The following AGL variants were observed in gnomAD, a reference collection of about 807,000 sequenced individuals.
AGL encodes the protein glycogen debranching enzyme.
In AGL, 128 loss-of-function variants were observed where a neutral mutation model predicts 199.3. The observed-to-expected ratio is 0.64, with a 90% CI of 0.56 to 0.74. The LOEUF is 0.74. AGL is among the 30% of genes least tolerant of loss of function. The pLI is 0.00. For synonymous variants in AGL, 584 were observed against 594.7 expected, an observed-to-expected ratio of 0.98 and a Z score of 0.26; for missense variants, 1,809 against 1,820.8, an observed-to-expected ratio of 0.99 and a Z score of 0.12.
chr1:99,857,080 A>T (rs1215641221), intron 2 of AGL, among the ~76,000 whole-genome samples: 5 of 139,750 alleles, frequency 3.6e-5, no homozygotes, highest in Admixed American at 3.5e-4. Flanking sequence ...TGACCCCCCC[A>T]CCTCCCTCCC....
In AGL at chr1:99,900,661, A is replaced by G. The variant is rs1653753922; in HGVS notation, c.3388A>G (p.Thr1130Ala). ...GAATATTATTTTAGCATTTGCGGGT[A>G]CCCTGAGGCATGGTCTCATTCCTAA... is the stretch of plus-strand genomic sequence containing the variant. ...ARNIILAFAG[T>A]LRHGLIPNLL... The change falls in exon 26 of 34, where the codon ACC becomes GCC. Residue 1130 changes from threonine to alanine, a missense_variant. Transcript: ENST00000361915. The G allele has an allele frequency of 6.2e-7, 1 of 1,614,046 alleles. No individual in the cohort carries two copies. The highest frequency in any genetic ancestry group is 2.2e-5 in the East Asian group (1 of 44,870).
rs1215043175 is a variant in AGL, at chr1:99,851,063, TC to T, written c.22del (p.Arg8GlufsTer5). 2 of 1,613,960 alleles carry T rather than the reference TC, an allele frequency of 1.2e-6. No individual in the cohort carries two copies. Among genetic ancestry groups the T allele is most frequent in the African/African-American group, 2.7e-5 (2 of 74,924 alleles). ...CCAAAATGGGACACAGTAAACAGAT[TC>T]GAATTTTACTTCTGAACGAAATGGA... MGHSKQI[R>X]ILLLNEMEKL... On this transcript the variant is annotated frameshift_variant, in exon 2 of 34. Coordinates refer to ENST00000361915, the MANE Select transcript of AGL (RefSeq NM_000642.3). LOFTEE classifies it high-confidence loss of function.
chr1:99,891,224 A>G lies in AGL; in HGVS notation c.2817A>G (p.Leu939=). Residue 939 remains leucine, a synonymous_variant, in exon 22 of 34, where the codon TTA becomes TTG. Coordinates refer to ENST00000361915, the MANE Select transcript of AGL (RefSeq NM_000642.3). The part of the protein sequence containing the change: ...SALKYAGLQG[L]MSVLAEIRPK... Reference sequence around the variant, plus strand: ...GACATGTCTCTGAATTTTCAGGTTTAATGTCTGTATTGGCAGAAATAAGAC... The same window carrying G: ...GACATGTCTCTGAATTTTCAGGTTTGATGTCTGTATTGGCAGAAATAAGAC... 2 of 1,613,590 alleles carry G rather than the reference A, an allele frequency of 1.2e-6. No homozygotes were observed. Among genetic ancestry groups the G allele is most frequent in the Non-Finnish European group, 1.7e-6 (2 of 1,179,618 alleles).
chr1:99,900,228 C>T (rs893529488), intron 25 of AGL, among the ~76,000 whole-genome samples: 5 of 152,166 alleles, frequency 3.3e-5, no homozygotes, highest in Non-Finnish European at 7.3e-5. Flanking sequence ...CTATGCCCAG[C>T]CAGTTTGTTT....
chr1:99,914,589 G>A (rs748234947), intron 30 of AGL, among the ~76,000 whole-genome samples: 2 of 152,152 alleles, frequency 1.3e-5, no homozygotes. Context: ...TTGGTTCAGC[G>A]TGGACCATTA....
intron 12 of AGL, 141 bp from the exon 13 acceptor site, chr1:99,879,780 CTA>C: frequency 1.5e-6 from 1 of 685,648 alleles, no homozygotes; most frequent in Non-Finnish European, 2.6e-6. Flanking sequence ...TCTCTTGTTT[CTA>C]TGTGTTTTGG....
rs1294064563 is a variant in AGL at position 99,896,375 on chromosome 1, T to C, written c.3349T>C (p.Tyr1117His). ...LRGILLITGR[Y>H]VEARNIILAF... is the part of the protein sequence containing the mutation. Reference sequence around the variant, plus strand: ...AGGTATACTGCTGATTACTGGACGCTATGTAGAAGCCAGGTAGGAGAGCCT... The same window carrying C: ...AGGTATACTGCTGATTACTGGACGCCATGTAGAAGCCAGGTAGGAGAGCCT... The change falls in exon 25 of 34, where the codon TAT (tyrosine) becomes CAT (histidine). Residue 1117 changes from tyrosine (Y) to histidine (H), a missense_variant. Transcript: ENST00000361915. 1.2e-6 allele frequency: 2 copies of C among 1,613,210 alleles called. No individual in the cohort carries two copies. Among genetic ancestry groups the C allele is most frequent in the African/African-American group, 2.7e-5 (2 of 74,930 alleles).
chr1:99,871,050 G>A (rs1274088001), intron 7 of AGL, among the ~76,000 whole-genome samples, 181 bp downstream of exon 7: 1 of 152,080 alleles, frequency 6.6e-6, no homozygotes, highest in Non-Finnish European at 1.5e-5. Flanking sequence ...TAAAGGGCAC[G>A]TCATAATAAT....
chr1:99,884,644 T>A lies in AGL; in HGVS notation c.2622T>A (p.Phe874Leu). The change falls in exon 20 of 34, where the codon TTT (phenylalanine) becomes TTA (leucine). Residue 874 changes from phenylalanine (F) to leucine (L), a missense_variant. Phe to Leu is a conservative substitution (Grantham distance 22). Coordinates refer to ENST00000361915, the MANE Select transcript of AGL (RefSeq NM_000642.3). Reference sequence around the variant, plus strand: ...ATCTGACACAATTCAGTCCTCACTTTAAATCTGGCAGCCTAGCTGTTGACA... The same window carrying A: ...ATCTGACACAATTCAGTCCTCACTTAAAATCTGGCAGCCTAGCTGTTGACA... ...RNHLTQFSPH[F>L]KSGSLAVDNA... 3.1e-6 allele frequency: 5 copies of A among 1,614,050 alleles called. No individual in the cohort carries two copies. The highest frequency in any genetic ancestry group is 4.2e-6 in the Non-Finnish European group (5 of 1,179,946).
chr1:99,916,787 T>C, intron 33 of AGL, 56 bp downstream of exon 33: 1 of 1,569,108 alleles, frequency 6.4e-7, no homozygotes, highest in Non-Finnish European at 8.8e-7. Flanking sequence ...GTTTATTAGC[T>C]ATTAGGTAAA....
chr1:99,863,295 G>A (rs566008689), intron 4 of AGL, among the ~76,000 whole-genome samples: 1 of 152,040 alleles, frequency 6.6e-6, no homozygotes, highest in East Asian at 1.9e-4. Flanking sequence ...AAATTTTGTG[G>A]TTCAGCTTAA....
In AGL at chr1:99,900,768, T is replaced by A. The variant is rs1198771796; in HGVS notation, c.3495T>A (p.Cys1165Ter). The change falls in exon 26 of 34, where the codon TGT (cysteine) becomes TGA (stop). Residue 1165 changes from cysteine (C) to a stop codon, truncating the protein, a stop_gained. Coordinates refer to ENST00000361915, the MANE Select transcript of AGL (RefSeq NM_000642.3). LOFTEE classifies it high-confidence loss of function. ...WWWLQCIQDY[C>*]KMVPNGLDIL... Reference sequence around the variant, plus strand: ...GGCTGCAGTGTATCCAGGATTACTGTAAAATGGTTCCAAATGGTCTAGACA... The same window carrying A: ...GGCTGCAGTGTATCCAGGATTACTGAAAAATGGTTCCAAATGGTCTAGACA... 2 of 1,614,078 alleles carry A rather than the reference T, an allele frequency of 1.2e-6. No individual in the cohort carries two copies. Among genetic ancestry groups the A allele is most frequent in the Non-Finnish European group, 1.7e-6 (2 of 1,179,974 alleles).
At chr1:99,889,338 T>C (rs369762375) in intron 21 of AGL, among the ~76,000 whole-genome samples, 12 of 152,348 alleles carry the variant, frequency 7.9e-5, no homozygotes, top group African/African-American at 2.4e-4. Context: ...TAAACTTTTT[T>C]GAGACTTTTT....
intron 2 of AGL, among the ~76,000 whole-genome samples, chr1:99,856,433 C>A (rs1354360701): frequency 2.2e-4 from 31 of 143,082 alleles, no homozygotes; most frequent in African/African-American, 7.5e-4. Context: ...CTTTTCTTTT[C>A]TTGTATTTAT....
chr1:99,852,356 T>C (rs78326970), intron 2 of AGL, among the ~76,000 whole-genome samples: 8 of 149,124 alleles, frequency 5.4e-5, no homozygotes, highest in Non-Finnish European at 1.2e-4. Context: ...CATTTCTTTT[T>C]TTTTTTTTTT....
intron 33 of AGL, 89 bp downstream of exon 33, chr1:99,916,820 T>G: frequency 7.2e-7 from 1 of 1,396,714 alleles, no homozygotes; most frequent in Non-Finnish European, 1.0e-6. Flanking sequence ...AGAATTGATT[T>G]CTGTATGCCC....
chr1:99,923,913 CAT>C lies in AGL; in HGVS notation c.*2263_*2264del, dbSNP rs1364966368. The C allele has an allele frequency of 1.2e-4, 19 of 152,232 alleles. No individual in the cohort carries two copies. The highest frequency in any genetic ancestry group is 4.3e-4 in the African/African-American group (18 of 41,552). The allele number at this position is 152,232 out of a possible 1,614,324, so 9.4% of individuals were successfully genotyped here. On this transcript the variant is annotated 3_prime_UTR_variant, in exon 34 of 34. Transcript: ENST00000361915. ...CTGGTCATATTGATGAATATTGTAA[CAT>C]GTGAATTGTGATCCATTTCTGATAT...
At chr1:99,871,142 A>G (rs1448483983) in intron 7 of AGL, among the ~76,000 whole-genome samples, 1 of 152,170 alleles carries the variant, frequency 6.6e-6, no homozygotes, top group Admixed American at 6.5e-5. Context: ...AACCCAGTAT[A>G]TAGTTGTTAA....
chr1:99,861,562 A>G lies in AGL; in HGVS notation c.142A>G (p.Thr48Ala). Reference sequence around the variant, plus strand: ...ACAGGGAAAAGCAGTTACCGTGTATACAAATTACCCATTTCCTGGAGAAAC... The same window carrying G: ...ACAGGGAAAAGCAGTTACCGTGTATGCAAATTACCCATTTCCTGGAGAAAC... ...TLQGKAVTVYTNYPFPGETFN... is the reference protein window; with the variant it reads ...TLQGKAVTVYANYPFPGETFN... Residue 48 changes from threonine (T) to alanine (A), a missense_variant, in exon 3 of 34, where the codon ACA (threonine) becomes GCA (alanine). Thr to Ala is a moderately conservative substitution (Grantham distance 58, BLOSUM62 0). Coordinates refer to ENST00000361915, the MANE Select transcript of AGL (RefSeq NM_000642.3). 6.2e-7 allele frequency: 1 copy of G among 1,614,042 alleles called. No individual in the cohort carries two copies. Among genetic ancestry groups the G allele is most frequent in the South Asian group, 1.1e-5 (1 of 91,078 alleles).
Sources: gnomAD v4.1 joint callset for allele counts (sites outside exome capture counted in the v4.1 genomes callset) on GRCh38, gnomAD v4.1.1 for gene constraint, MANE v1.5 for transcripts, NCBI Gene and HGNC (gene_info 2026-07-23, HGNC 2026-07-21) for gene names.